PDE10A: variants seen among roughly 807,000 people sequenced by gnomAD.
PDE10A encodes phosphodiesterase 10A.
A neutral mutation model predicts 97.7 loss-of-function variants in PDE10A; 39 were observed. The observed-to-expected ratio is 0.40, with a 90% CI of 0.31 to 0.52. The LOEUF (loss-of-function observed/expected upper bound fraction) is 0.52. Among genes scored for constraint, PDE10A ranks in the 20% least tolerant of loss-of-function variants. The probability of loss-of-function intolerance (pLI) is 0.56; values close to 1 mark genes in which losing one functional copy is unlikely to be tolerated. For synonymous variants in PDE10A, 371 were observed against 376.8 expected, an observed-to-expected ratio of 0.98 and a Z score of 0.18; for missense variants, 731 against 1,047.8, an observed-to-expected ratio of 0.70 and a Z score of 4.17.
intron 1 of PDE10A, among the ~76,000 whole-genome samples, chr6:165,799,105 A>G (rs991639921): frequency 1.3e-5 from 2 of 152,240 alleles, no homozygotes; most frequent in African/African-American, 4.8e-5. Context: ...CAGCCACTGC[A>G]ATTTAAATTC....
In PDE10A at chr6:165,689,565, G is replaced by A. The variant is rs148059525; in HGVS notation, c.-614-145997C>T. ...GTGAGTTCTCGTTCTGTTAGTTCAC[G>A]TGAGATCTGATTGTTAAAAGGAGCC... is the stretch of plus-strand genomic sequence containing the variant. On this transcript the variant is annotated intron_variant, in intron 1 of 19. Transcript: ENST00000366882. Among the ~76,000 whole-genome samples the A allele has an allele frequency of 6.7e-4, 102 of 152,204 alleles. 2 individuals are homozygous for A. Among genetic ancestry groups the A allele is most frequent in the African/African-American group, 2.2e-3 (91 of 41,530 alleles).
At position 165,343,313 on chromosome 6, in the gene PDE10A, C is replaced by T; in HGVS notation, c.2895+78G>A. The T allele has an allele frequency of 3.0e-6, 3 of 1,005,204 alleles. No individual in the cohort carries two copies. In the South Asian group the frequency reaches 3.9e-5, roughly 13 times the overall value. The allele number at this position is 1,005,204 out of a possible 1,614,324, so 62.3% of individuals were successfully genotyped here. ...CTGAAATAACTATCAACATGAACAA[C>T]TAAAGTATTCTTAGCAATTGATCCA... On this transcript the variant is annotated intron_variant, in intron 19 of 21. Coordinates refer to ENST00000539869, the MANE Select transcript of PDE10A (RefSeq NM_001385079.1).
chr6:165,409,023 G>C (rs1222274876), intron 13 of PDE10A, among the ~76,000 whole-genome samples: 1 of 150,918 alleles, frequency 6.6e-6, no homozygotes, highest in Non-Finnish European at 1.5e-5. Flanking sequence ...AAATTAGCTG[G>C]GTGTAGTGGC....
intron 1 of PDE10A, among the ~76,000 whole-genome samples, chr6:165,937,522 A>G (rs1009661987): frequency 1.3e-5 from 2 of 152,234 alleles, no homozygotes; most frequent in African/African-American, 4.8e-5. Flanking sequence ...TCTTATTTTT[A>G]TATCACTTAA....
chr6:165,652,691 T>C (rs975205872), intron 1 of PDE10A, among the ~76,000 whole-genome samples: 1 of 152,096 alleles, frequency 6.6e-6, no homozygotes, highest in African/African-American at 2.4e-5. Context: ...TCCAACAGAG[T>C]AAACTGCTCT....
At chr6:165,446,794 A>C (rs1190501458) in intron 5 of PDE10A, among the ~76,000 whole-genome samples, 2 of 152,168 alleles carry the variant, frequency 1.3e-5, no homozygotes, top group Non-Finnish European at 2.9e-5. Flanking sequence ...AAGTTGAAGA[A>C]GACAGACTCA....
intron 1 of PDE10A, among the ~76,000 whole-genome samples, chr6:165,887,924 G>A (rs1781672179): frequency 6.6e-6 from 1 of 152,104 alleles, no homozygotes; most frequent in African/African-American, 2.4e-5. Flanking sequence ...ATGGCTCACT[G>A]GGCCCTACCT....
chr6:165,892,257 T>A (rs951074816), intron 1 of PDE10A, among the ~76,000 whole-genome samples: 1 of 151,912 alleles, frequency 6.6e-6, no homozygotes, highest in African/African-American at 2.4e-5. Flanking sequence ...AGGTGAGAGT[T>A]CGGGTGACAC....
intron 20 of PDE10A, among the ~76,000 whole-genome samples, chr6:165,337,367 A>C (rs544645868): frequency 3.1e-4 from 47 of 152,310 alleles, no homozygotes; most frequent in African/African-American, 1.1e-3. Flanking sequence ...AAAGTACTGA[A>C]CTTCAGTGAT....
intron 1 of PDE10A, among the ~76,000 whole-genome samples, chr6:165,718,598 C>T (rs1175948168): frequency 6.6e-6 from 1 of 152,136 alleles, no homozygotes; most frequent in African/African-American, 2.4e-5. Flanking sequence ...CTGCTCTCTT[C>T]CTGTTCCTAG....
intron 1 of PDE10A, among the ~76,000 whole-genome samples, chr6:165,755,065 G>A (rs1459155852): frequency 3.9e-5 from 6 of 152,028 alleles, no homozygotes; most frequent in African/African-American, 1.5e-4. Context: ...TAGTTTTATG[G>A]AGAGGGACAC....
chr6:165,954,576 T>C (rs1583340838), intron 1 of PDE10A, among the ~76,000 whole-genome samples: 1 of 152,140 alleles, frequency 6.6e-6, no homozygotes, highest in African/African-American at 2.4e-5. Context: ...CAGAGGCAGC[T>C]GCCAGCATTG....
At chr6:165,734,721 A>G (rs945297360) in intron 1 of PDE10A, among the ~76,000 whole-genome samples, 10 of 152,330 alleles carry the variant, frequency 6.6e-5, no homozygotes, top group Middle Eastern at 3.4e-3. Context: ...GTTAAGAGAC[A>G]TGGGTACAGA....
chr6:165,385,489 A>G (rs2128211001), intron 17 of PDE10A, among the ~76,000 whole-genome samples: 1 of 152,348 alleles, frequency 6.6e-6, no homozygotes, highest in South Asian at 2.1e-4. Flanking sequence ...GGCAGAAGTC[A>G]GGGGACTCAG....
Position 165,611,072 on chromosome 6 carries a change from C to T in PDE10A, c.865+50875G>A, listed in dbSNP as rs544481560. On this transcript the variant is annotated intron_variant, in intron 1 of 21. Transcript: ENST00000539869. The stretch of plus-strand genomic sequence containing the variant: ...TCTCTCTCAAAATAGTGTTTCTTTC[C>T]ACTGAATAAAATTCCAATACATTTG... 1.1e-4 allele frequency among the ~76,000 whole-genome samples: 17 copies of T among 151,832 alleles called. No individual in the cohort carries two copies. The South Asian group carries it at 3.3e-3, about 30-fold the overall frequency.
At chr6:165,739,280 A>G (rs572384545) in intron 1 of PDE10A, among the ~76,000 whole-genome samples, 12 of 152,360 alleles carry the variant, frequency 7.9e-5, no homozygotes. Context: ...GTACTGGCAT[A>G]AAAACAGGCA....
chr6:165,509,231 A>G (rs1279703940), intron 2 of PDE10A, among the ~76,000 whole-genome samples: 1 of 151,938 alleles, frequency 6.6e-6, no homozygotes, highest in Non-Finnish European at 1.5e-5. Flanking sequence ...GTACACGAGT[A>G]CTTATCATTT....
chr6:165,333,793 G>A (rs146578359), intron 21 of PDE10A, among the ~76,000 whole-genome samples: 68 of 152,240 alleles, frequency 4.5e-4, no homozygotes, highest in South Asian at 1.0e-3. Flanking sequence ...CTCTAACTGC[G>A]TGATCACAAC....
At chr6:165,696,702 G>C (rs934410782) in intron 1 of PDE10A, among the ~76,000 whole-genome samples, 6 of 152,194 alleles carry the variant, frequency 3.9e-5, no homozygotes, top group Non-Finnish European at 4.4e-5. Flanking sequence ...ACAGAAAATT[G>C]CATGTGAGAA....
Sources: gnomAD v4.1 joint callset for allele counts (sites outside exome capture counted in the v4.1 genomes callset) on GRCh38, gnomAD v4.1.1 for gene constraint, MANE v1.5 for transcripts, NCBI Gene and HGNC (gene_info 2026-07-23, HGNC 2026-07-21) for gene names.